STOML3: variants seen among roughly 807,000 people sequenced by gnomAD.
STOML3 encodes stomatin like 3, also known as stomatin-like protein 3.
In STOML3, 31 loss-of-function variants were observed where a neutral mutation model predicts 29.5. The ratio of observed to expected loss-of-function variants is 1.05; its 90% CI spans 0.79 to 1.42. The LOEUF (loss-of-function observed/expected upper bound fraction) is 1.42. Ranked by LOEUF, STOML3 falls within the 40% of genes most tolerant of loss-of-function variation. The pLI, the probability that STOML3 is intolerant of heterozygous loss-of-function variation, is 0.00. For missense variants in STOML3, 380 were observed against 363.0 expected (o/e 1.05, Z -0.38); for synonymous variants, 122 against 139.8 (o/e 0.87, Z 0.90).
At chr13:38,984,120 G>A (rs1488961737) in intron 1 of STOML3, among the ~76,000 whole-genome samples, 3 of 152,068 alleles carry the variant, frequency 2.0e-5, no homozygotes, top group Non-Finnish European at 4.4e-5. Context: ...TCACACACGG[G>A]CTCTTCCTAC....
chr13:38,990,602 A>G (rs751528841), intron 1 of STOML3, 68 bp downstream of exon 1: 15 of 1,534,964 alleles, frequency 9.8e-6, no homozygotes, highest in Admixed American at 6.7e-5. Flanking sequence ...ATACCTGTCT[A>G]TAATGCTACA....
Position 38,965,958 on chromosome 13 carries a change from C to G in STOML3, c.*867G>C, listed in dbSNP as rs988016888. 1 of 151,992 alleles carries G rather than the reference C, an allele frequency of 6.6e-6. No individual in the cohort carries two copies. Among genetic ancestry groups the G allele is most frequent in the Non-Finnish European group, 1.5e-5 (1 of 67,984 alleles). 9.4% of individuals were successfully genotyped at this position (151,992 alleles called of 1,614,324 possible). On this transcript the variant is annotated 3_prime_UTR_variant, in exon 7 of 7. Transcript: ENST00000379631. ...GAAATTCATTTATATTCTATGCCTT[C>G]TTTGTTTTGAACAGGTTATTTGGCA...
intron 3 of STOML3, among the ~76,000 whole-genome samples, chr13:38,974,465 T>C (rs558874412): frequency 8.2e-4 from 125 of 152,234 alleles, no homozygotes; most frequent in African/African-American, 2.9e-3. Context: ...TACTACCTAG[T>C]AGCCTTGTGA....
At chr13:38,988,916 ATATATATACTATATTATACAATATAT>A (rs1234134612) in intron 1 of STOML3, among the ~76,000 whole-genome samples, 9 of 103,910 alleles carry the variant, frequency 8.7e-5, no homozygotes, top group African/African-American at 2.9e-4. Flanking sequence ...AGAATACATA[ATATATATACTATATTATACAATATAT>A]TATATATACT....
At chr13:38,975,070 T>G (rs998421019) in intron 3 of STOML3, among the ~76,000 whole-genome samples, 1 of 152,002 alleles carries the variant, frequency 6.6e-6, no homozygotes, top group Admixed American at 6.6e-5. Flanking sequence ...TGGCTCATGC[T>G]TGTAATCCCA....
intron 1 of STOML3, among the ~76,000 whole-genome samples, chr13:38,987,151 C>A (rs929979947): frequency 2.0e-5 from 3 of 152,066 alleles, no homozygotes; most frequent in Non-Finnish European, 4.4e-5. Flanking sequence ...ATATCACCTA[C>A]CCCTTCAGGT....
intron 4 of STOML3, among the ~76,000 whole-genome samples, chr13:38,971,417 C>A (rs1880862980): frequency 6.6e-6 from 1 of 152,100 alleles, no homozygotes; most frequent in Non-Finnish European, 1.5e-5. Flanking sequence ...GTTTCCTGAA[C>A]CAGACAGAAG....
chr13:38,979,516 G>A (rs112728132), intron 1 of STOML3, among the ~76,000 whole-genome samples: 6 of 152,192 alleles, frequency 3.9e-5, no homozygotes, highest in African/African-American at 1.4e-4. Flanking sequence ...GCTTTGATTT[G>A]TAAATTTTAT....
intron 4 of STOML3, among the ~76,000 whole-genome samples, chr13:38,971,621 A>C (rs1880869780): frequency 6.6e-6 from 1 of 152,154 alleles, no homozygotes; most frequent in Non-Finnish European, 1.5e-5. Context: ...TAGTACTTCA[A>C]GAATTAAAAG....
intron 5 of STOML3, among the ~76,000 whole-genome samples, chr13:38,968,776 G>A (rs1880757870): frequency 6.6e-6 from 1 of 151,974 alleles, no homozygotes; most frequent in Non-Finnish European, 1.5e-5. Context: ...CCTTTTAGTG[G>A]GTGTCTATCA....
At chr13:38,972,250 T>A (rs1880897406) in intron 4 of STOML3, among the ~76,000 whole-genome samples, 1 of 152,214 alleles carries the variant, frequency 6.6e-6, no homozygotes, top group Non-Finnish European at 1.5e-5. Flanking sequence ...TAACTAGATC[T>A]CTGCTGTCAG....
In STOML3 at chr13:38,976,763, C is replaced by T; in HGVS notation, c.87G>A (p.Trp29Ter). 6.2e-7 allele frequency: 1 copy of T among 1,613,896 alleles called. No individual in the cohort carries two copies. Among genetic ancestry groups the T allele is most frequent in the South Asian group, 1.1e-5 (1 of 91,036 alleles). The change falls in exon 2 of 7, where the codon TGG becomes TGA. Residue 29 changes from tryptophan (W) to a stop codon, truncating the protein, a stop_gained. Transcript: ENST00000379631. LOFTEE classifies it high-confidence loss of function. ...VNNKRLGVCG[W>*]ILFSLSFLLV... Reference sequence around the variant, plus strand: ...ACAGGAAAGAGAGGGAAAACAGGATCCAGCCACATACACCAAGCCGTTTAT... The same window carrying T: ...ACAGGAAAGAGAGGGAAAACAGGATTCAGCCACATACACCAAGCCGTTTAT...
At chr13:38,968,345 G>C (rs1247938221) in intron 6 of STOML3, 55 bp downstream of exon 6, 2 of 1,589,606 alleles carry the variant, frequency 1.3e-6, no homozygotes, top group East Asian at 4.5e-5. Flanking sequence ...TCCTATCCTT[G>C]TTGGCCCCAA....
In STOML3 at chr13:38,976,802, G is replaced by T; in HGVS notation, c.53-5C>A. 6.2e-7 allele frequency: 1 copy of T among 1,611,018 alleles called. No individual in the cohort carries two copies. On this transcript the variant is annotated splice_region_variant and splice_polypyrimidine_tract_variant and intron_variant, in intron 1 of 6. Coordinates refer to ENST00000379631, the MANE Select transcript of STOML3 (RefSeq NM_145286.3). Reference sequence around the variant, plus strand: ...CAAGCCGTTTATTGTTGACACCTAGGAAATGAGAAGGAAGCAAATATGTGA... The same window carrying T: ...CAAGCCGTTTATTGTTGACACCTAGTAAATGAGAAGGAAGCAAATATGTGA...
rs986869041 is a variant in STOML3, at chr13:38,966,541, A to G, written c.*284T>C. 7.8e-5 allele frequency: 20 copies of G among 256,304 alleles called. No individual in the cohort carries two copies. Among genetic ancestry groups the G allele is most frequent in the Admixed American group, 4.5e-4 (9 of 20,192 alleles). 15.9% of individuals were successfully genotyped at this position (256,304 alleles called of 1,614,324 possible). The stretch of plus-strand genomic sequence containing the variant: ...TCACCCAATGATTTCTTCTCATACT[A>G]CCAGAAAGTTCCTGCTATAAAGTCG... On this transcript the variant is annotated 3_prime_UTR_variant, in exon 7 of 7. Coordinates refer to ENST00000379631, the MANE Select transcript of STOML3 (RefSeq NM_145286.3).
rs1208951825 is a variant in STOML3 at position 38,966,924 on chromosome 13, C to G, written c.777G>C (p.Glu259Asp). ...GAGGAAACACAATCGTAGAATTCTT[C>G]TCGGTGGCTACCGTGCTCAAGGTCT... ...YLQTLSTVAT[E>D]KNSTIVFPLP... is the part of the protein sequence containing the mutation. The change falls in exon 7 of 7, where the codon GAG (glutamate) becomes GAC (aspartate). Residue 259 changes from glutamate (E) to aspartate (D), a missense_variant. Physicochemically the swap from Glu to Asp is conservative, Grantham distance 45. Transcript: ENST00000379631. 5 of 1,614,072 alleles carry G rather than the reference C, an allele frequency of 3.1e-6. No individual in the cohort carries two copies. The South Asian group carries it at 4.4e-5, about 14-fold the overall frequency.
At chr13:38,983,402 G>T (rs1593506679) in intron 1 of STOML3, among the ~76,000 whole-genome samples, 1 of 152,152 alleles carries the variant, frequency 6.6e-6, no homozygotes, top group South Asian at 2.1e-4. Flanking sequence ...TTTTTGCTTT[G>T]AAAATGTACA....
chr13:38,984,692 G>GT (rs1868439017), intron 1 of STOML3, among the ~76,000 whole-genome samples: 1 of 152,128 alleles, frequency 6.6e-6, no homozygotes, highest in Non-Finnish European at 1.5e-5. Context: ...ACTCTATGAT[G>GT]TTCTCACAAT....
chr13:38,972,647 G>T, intron 3 of STOML3, 53 bp from the exon 4 acceptor site: 1 of 1,520,908 alleles, frequency 6.6e-7, no homozygotes, highest in Non-Finnish European at 9.1e-7. Context: ...ATAACTACAA[G>T]TAGTCTCATA....
Sources: allele counts gnomAD v4.1 joint callset (sites outside exome capture counted in the v4.1 genomes callset), GRCh38; gene constraint gnomAD v4.1.1; transcripts MANE v1.5; gene names NCBI Gene and HGNC (gene_info 2026-07-23, HGNC 2026-07-21).